The following ADAMTS3 variants were observed in gnomAD, a reference collection of about 807,000 sequenced individuals.
ADAMTS3 encodes A disintegrin and metalloproteinase with thrombospondin motifs 3.
In ADAMTS3, 73 loss-of-function variants were observed where a neutral mutation model predicts 129.0. The ratio of observed to expected loss-of-function variants is 0.57; its 90% CI spans 0.47 to 0.69. ADAMTS3 has a LOEUF of 0.69. Ranked by LOEUF, ADAMTS3 falls within the 30% of genes least tolerant of loss-of-function variation. The pLI, the probability that ADAMTS3 is intolerant of heterozygous loss-of-function variation, is 0.00. For missense variants in ADAMTS3, 1,457 were observed against 1,514.5 expected (o/e 0.96, Z 0.63); for synonymous variants, 477 against 510.8 (o/e 0.93, Z 0.89).
chr4:72,530,534 T>TATAA (rs1720990841), intron 3 of ADAMTS3, among the ~76,000 whole-genome samples: 1 of 83,782 alleles, frequency 1.2e-5, no homozygotes, highest in African/African-American at 5.0e-5. Flanking sequence ...ATTAATTTAA[T>TATAA]ATATATTAAT....
Position 72,320,883 on chromosome 4 carries a change from A to G in ADAMTS3, c.946-13T>C, listed in dbSNP as rs748599698. The G allele has an allele frequency of 2.5e-6, 4 of 1,611,854 alleles. No homozygotes were observed. The highest frequency in any genetic ancestry group is 1.3e-5 in the African/African-American group (1 of 74,776). On this transcript the variant is annotated splice_polypyrimidine_tract_variant and intron_variant, in intron 6 of 21. Transcript: ENST00000286657. ...TGAGGCTGATGGACTAAGTGAAAAC[A>G]ATATGTTAAAGACACACCTGACAAT... is the stretch of plus-strand genomic sequence containing the variant.
At position 72,366,734 on chromosome 4, in the gene ADAMTS3, C is replaced by T. The variant is rs75233276; in HGVS notation, c.662-27041G>A. Among the ~76,000 whole-genome samples the T allele has an allele frequency of 5.4e-3, 808 of 150,546 alleles. 6 individuals carry two copies. Among genetic ancestry groups the T allele is most frequent in the Non-Finnish European group, 9.1e-3 (617 of 67,764 alleles). On this transcript the variant is annotated intron_variant, in intron 4 of 21. Transcript: ENST00000286657. Reference sequence around the variant, plus strand: ...CCAAAATTTTCTAGATAATTGCATCCTCATGAAGAAATTTTTAAAGGGTAT... The same window carrying T: ...CCAAAATTTTCTAGATAATTGCATCTTCATGAAGAAATTTTTAAAGGGTAT...
At chr4:72,292,543 A>G (rs1718701773) in intron 19 of ADAMTS3, among the ~76,000 whole-genome samples, 1 of 152,188 alleles carries the variant, frequency 6.6e-6, no homozygotes, top group Non-Finnish European at 1.5e-5. Context: ...ACCAGGGGAC[A>G]TTCCCAAATT....
chr4:72,518,995 T>A (rs1340760798), intron 3 of ADAMTS3, among the ~76,000 whole-genome samples: 1 of 151,918 alleles, frequency 6.6e-6, no homozygotes, highest in Non-Finnish European at 1.5e-5. Flanking sequence ...CTTTCCATGT[T>A]TAGTGCTTCC....
Position 72,290,843 on chromosome 4 carries a change from T to A in ADAMTS3, c.2931+12A>T. 3.1e-6 allele frequency: 5 copies of A among 1,613,094 alleles called. No individual in the cohort carries two copies. Among genetic ancestry groups the A allele is most frequent in the Non-Finnish European group, 4.2e-6 (5 of 1,179,396 alleles). On this transcript the variant is annotated intron_variant, in intron 20 of 21. Coordinates refer to ENST00000286657, the MANE Select transcript of ADAMTS3 (RefSeq NM_014243.3). ...CACTTTACTTATGCATGCACGGAAT[T>A]CACACACCTACCTCACTCCAGGGTC... is the stretch of plus-strand genomic sequence containing the variant.
intron 2 of ADAMTS3, among the ~76,000 whole-genome samples, chr4:72,566,863 C>A (rs766392549): frequency 6.6e-6 from 1 of 152,168 alleles, no homozygotes; most frequent in African/African-American, 2.4e-5. Flanking sequence ...CTAACAGTAT[C>A]TTTCACATTA....
chr4:72,556,999 T>G (rs562753413), intron 2 of ADAMTS3, among the ~76,000 whole-genome samples: 3 of 151,820 alleles, frequency 2.0e-5, no homozygotes, highest in Non-Finnish European at 4.4e-5. Flanking sequence ...CCAATCTGGC[T>G]GTAACAATCC....
chr4:72,524,591 G>A (rs1238024083), intron 3 of ADAMTS3, among the ~76,000 whole-genome samples: 1 of 151,894 alleles, frequency 6.6e-6, no homozygotes, highest in Non-Finnish European at 1.5e-5. Flanking sequence ...TTTTACTAAT[G>A]AGGAAACAGA....
chr4:72,368,101 G>GT (rs556913322), intron 4 of ADAMTS3, among the ~76,000 whole-genome samples: 124 of 152,242 alleles, frequency 8.1e-4, no homozygotes, highest in African/African-American at 3.0e-3. Context: ...TCATATTCAT[G>GT]TATAGTATGT....
chr4:72,303,364 T>C (rs1719001636), intron 17 of ADAMTS3, among the ~76,000 whole-genome samples: 2 of 151,798 alleles, frequency 1.3e-5, no homozygotes, highest in South Asian at 4.2e-4. Context: ...CGCTGCAAGA[T>C]CATAAAAACA....
chr4:72,486,718 T>C (rs532877618), intron 3 of ADAMTS3, among the ~76,000 whole-genome samples: 17 of 152,166 alleles, frequency 1.1e-4, no homozygotes, highest in African/African-American at 4.1e-4. Context: ...GAACAAAAAG[T>C]GCCAAGTACT....
Position 72,568,813 on chromosome 4 carries a change from A to AAAAC in ADAMTS3, c.-52_-51insGTTT. ...ACTGGGCAAAGCAAATGCCCAGAGC[A>AAAAC]AACCCACCCCCCCCGCCCAAAATAA... On this transcript the variant is annotated 5_prime_UTR_variant, in exon 1 of 22. Coordinates refer to ENST00000286657, the MANE Select transcript of ADAMTS3 (RefSeq NM_014243.3). 7.6e-7 allele frequency: 1 copy of AAAAC among 1,316,154 alleles called. No homozygotes were observed. The highest frequency in any genetic ancestry group is 1.1e-6 in the Non-Finnish European group (1 of 946,700). 81.5% of individuals were successfully genotyped at this position (1,316,154 alleles called of 1,614,324 possible).
At chr4:72,418,430 A>T (rs929108915) in intron 3 of ADAMTS3, among the ~76,000 whole-genome samples, 1 of 152,158 alleles carries the variant, frequency 6.6e-6, no homozygotes, top group African/African-American at 2.4e-5. Flanking sequence ...ACTCACATAA[A>T]GCTCAGGATG....
intron 2 of ADAMTS3, among the ~76,000 whole-genome samples, chr4:72,563,251 T>A (rs1171399078): frequency 2.6e-5 from 4 of 152,174 alleles, no homozygotes; most frequent in African/African-American, 9.7e-5. Context: ...GCAGTTAACA[T>A]TCACCATAAT....
intron 3 of ADAMTS3, among the ~76,000 whole-genome samples, chr4:72,451,756 A>G (rs1041949085): frequency 2.0e-5 from 3 of 151,846 alleles, no homozygotes; most frequent in Non-Finnish European, 2.9e-5. Context: ...TTATATTCAT[A>G]TATAAATGAA....
chr4:72,540,473 A>G (rs1371490044), intron 3 of ADAMTS3, among the ~76,000 whole-genome samples: 2 of 152,234 alleles, frequency 1.3e-5, no homozygotes, highest in Non-Finnish European at 2.9e-5. Context: ...TTTTCTGAGA[A>G]GAAATTCAAG....
At chr4:72,511,122 C>T (rs747277447) in intron 3 of ADAMTS3, among the ~76,000 whole-genome samples, 1 of 151,958 alleles carries the variant, frequency 6.6e-6, no homozygotes, top group Non-Finnish European at 1.5e-5. Flanking sequence ...ATGCAAAAAT[C>T]AAATCAAAAT....
intron 5 of ADAMTS3, among the ~76,000 whole-genome samples, chr4:72,328,878 C>T (rs1481856990): frequency 1.3e-5 from 2 of 152,110 alleles, no homozygotes; most frequent in South Asian, 2.1e-4. Flanking sequence ...AAGTATTACT[C>T]TGTCCACAAC....
chr4:72,389,407 A>C (rs1317174517), intron 4 of ADAMTS3, among the ~76,000 whole-genome samples: 1 of 152,228 alleles, frequency 6.6e-6, no homozygotes, highest in East Asian at 1.9e-4. Context: ...TGAAACATTT[A>C]AAACAAACAT....
Sources: gnomAD v4.1 joint callset for allele counts (sites outside exome capture counted in the v4.1 genomes callset) on GRCh38, gnomAD v4.1.1 for gene constraint, MANE v1.5 for transcripts, NCBI Gene and HGNC (gene_info 2026-07-23, HGNC 2026-07-21) for gene names.